The following ARID1B variants were observed in gnomAD, a reference collection of about 807,000 sequenced individuals.
ARID1B encodes AT-rich interactive domain-containing protein 1B.
A neutral mutation model predicts 212.3 loss-of-function variants in ARID1B; 30 were observed. The observed-to-expected ratio is 0.14, with a 90% CI of 0.11 to 0.19. The LOEUF (loss-of-function observed/expected upper bound fraction) is 0.19, where lower values mean the gene tolerates loss of function less well. ARID1B is among the 10% of genes least tolerant of loss of function. The pLI, the probability that ARID1B is intolerant of heterozygous loss-of-function variation, is 1.00. For missense variants in ARID1B, 2,891 were observed against 3,204.0 expected, an observed-to-expected ratio of 0.90 and a Z score of 2.36; for synonymous variants, 1,402 against 1,301.7, an observed-to-expected ratio of 1.08 and a Z score of -1.66.
intron 1 of ARID1B, among the ~76,000 whole-genome samples, chr6:156,803,884 G>A (rs930946613): frequency 4.5e-4 from 69 of 152,190 alleles, no homozygotes; most frequent in African/African-American, 1.6e-3. Context: ...ATGATGAAAC[G>A]TAATTTACGT....
intron 2 of ARID1B, among the ~76,000 whole-genome samples, chr6:156,885,545 A>G (rs1342765557): frequency 6.6e-6 from 1 of 152,164 alleles, no homozygotes; most frequent in Non-Finnish European, 1.5e-5. Context: ...TAAAATGTCA[A>G]CATCCTATAT....
intron 3 of ARID1B, among the ~76,000 whole-genome samples, chr6:156,910,399 A>AG (rs766264179): frequency 6.6e-6 from 1 of 152,202 alleles, no homozygotes; most frequent in Non-Finnish European, 1.5e-5. Context: ...TGATGGGTAT[A>AG]GCCCTTCTTG....
At position 156,829,294 on chromosome 6, in the gene ARID1B, C is replaced by T. The variant is rs2128046222; in HGVS notation, c.1859C>T (p.Ser620Phe). 1.9e-6 allele frequency: 3 copies of T among 1,614,228 alleles called. No individual in the cohort carries two copies. Among genetic ancestry groups the T allele is most frequent in the Non-Finnish European group, 2.5e-6 (3 of 1,180,032 alleles). The change falls in exon 2 of 20, where the codon TCT becomes TTT. Residue 620 changes from serine to phenylalanine, a missense_variant. Coordinates refer to ENST00000636930, the MANE Select transcript of ARID1B (RefSeq NM_001374828.1). ...TATGGCATGGGCAGTAACCCTCATT[C>T]TCAGCCTCAGCAGAGCAGTCCGTAC... Reference protein sequence around the residue: ...QLYGMGSNPHSQPQQSSPYPG... With the variant: ...QLYGMGSNPHFQPQQSSPYPG...
chr6:157,166,201 G>A (rs928145429), intron 8 of ARID1B: 2 of 152,122 alleles, frequency 1.3e-5, no homozygotes, highest in Admixed American at 6.5e-5. Flanking sequence ...CCCCCATCTC[G>A]TTACTAACAG....
At chr6:157,025,947 T>C (rs905298167) in intron 4 of ARID1B, among the ~76,000 whole-genome samples, 2 of 150,362 alleles carry the variant, frequency 1.3e-5, no homozygotes, top group South Asian at 4.2e-4. Context: ...TTTTTTGAGG[T>C]GGAGTCTCGC....
At chr6:157,103,543 C>A (rs1786237080) in intron 5 of ARID1B, among the ~76,000 whole-genome samples, 2 of 152,184 alleles carry the variant, frequency 1.3e-5, no homozygotes, top group African/African-American at 2.4e-5. Flanking sequence ...GTACATTATA[C>A]ATTACTGGAT....
chr6:157,206,320 G>A lies in ARID1B; in HGVS notation c.5548G>A (p.Asp1850Asn), dbSNP rs771781497. The change falls in exon 20 of 20, where the codon GAT becomes AAT. Residue 1850 changes from aspartate (D) to asparagine (N), a missense_variant. Around this residue, in one of 7 missense-constraint regions of ARID1B, gnomAD observed 332 missense variants for 369.2 expected, o/e 0.90. Transcript: ENST00000636930. This position sits in a 1 kb window ranked among gnomAD's most constrained non-coding sequence, Gnocchi z 6.8. Reference sequence around the variant, plus strand: ...GGATGACAGCCAGTCCTTGGCAGACGATTCTGGGAAAGAGGAGGAAGATGC... The same window carrying A: ...GGATGACAGCCAGTCCTTGGCAGACAATTCTGGGAAAGAGGAGGAAGATGC... ...RKDDSQSLAD[D>N]SGKEEEDAEC... The A allele has an allele frequency of 6.8e-6, 11 of 1,614,058 alleles. No homozygotes were observed. The highest frequency in any genetic ancestry group is 4.0e-5 in the African/African-American group (3 of 74,908).
In ARID1B at chr6:157,210,153, AAC is replaced by A; in HGVS notation, c.*2264_*2265del. ...TGTCAACTCCCACATTACTGAGTCAAACAGTCTTCTTACATAACAATGCAACC... is the reference window on the plus strand; with the variant it reads ...TGTCAACTCCCACATTACTGAGTCAAAGTCTTCTTACATAACAATGCAACC... On this transcript the variant is annotated 3_prime_UTR_variant, in exon 20 of 20. Transcript: ENST00000636930. The A allele has an allele frequency of 4.3e-6, 1 of 232,480 alleles. No individual in the cohort carries two copies. The highest frequency in any genetic ancestry group is 8.5e-6 in the Non-Finnish European group (1 of 117,624). The allele number at this position is 232,480 out of a possible 1,614,324, so 14.4% of individuals were successfully genotyped here.
intron 7 of ARID1B, among the ~76,000 whole-genome samples, chr6:157,145,780 C>T (rs1789683319): frequency 1.3e-5 from 2 of 152,136 alleles, no homozygotes; most frequent in Non-Finnish European, 2.9e-5. Context: ...TTGTGAGCCA[C>T]GTGACCATGG....
At chr6:156,808,445 G>T (rs948661144) in intron 1 of ARID1B, among the ~76,000 whole-genome samples, 5 of 152,110 alleles carry the variant, frequency 3.3e-5, no homozygotes, top group African/African-American at 1.2e-4. Flanking sequence ...AGCCTATCAC[G>T]TGGTGCTCTT....
chr6:157,051,906 A>T (rs1782629322), intron 4 of ARID1B, among the ~76,000 whole-genome samples: 1 of 152,228 alleles, frequency 6.6e-6, no homozygotes, highest in African/African-American at 2.4e-5. Context: ...AAAAGTATTT[A>T]AAATTCTCTT....
At chr6:156,794,193 A>G (rs76218654) in intron 1 of ARID1B, among the ~76,000 whole-genome samples, 2 of 151,090 alleles carry the variant, frequency 1.3e-5, no homozygotes, top group African/African-American at 4.9e-5. Flanking sequence ...GGTAACATTT[A>G]AAAAAAAAGA....
chr6:157,196,399 G>A (rs949616099), intron 16 of ARID1B, 84 bp downstream of exon 16: 4 of 1,490,998 alleles, frequency 2.7e-6, no homozygotes, highest in Non-Finnish European at 3.6e-6. Context: ...CCTGGCAGCT[G>A]AGCCACTGAT....
chr6:156,948,564 C>T (rs571316104), intron 4 of ARID1B, among the ~76,000 whole-genome samples: 2 of 152,294 alleles, frequency 1.3e-5, no homozygotes, highest in East Asian at 3.9e-4. Flanking sequence ...GCATTTATGC[C>T]TTTCTTTAGC....
At chr6:157,189,992 T>G in intron 14 of ARID1B, 46 bp from the exon 15 acceptor site, 1 of 1,603,592 alleles carries the variant, frequency 6.2e-7, no homozygotes, top group Admixed American at 1.7e-5. Context: ...TGTTTGGAGG[T>G]AACTCCTGCT....
In ARID1B at chr6:157,206,270, C is replaced by T. The variant is rs1276705409; in HGVS notation, c.5498C>T (p.Ala1833Val). 1 of 1,614,170 alleles carries T rather than the reference C, an allele frequency of 6.2e-7. No individual in the cohort carries two copies. The highest frequency in any genetic ancestry group is 1.1e-5 in the South Asian group (1 of 91,078). Reference protein sequence around the residue: ...EYEVGDPSQKALDHNAARKDD... With the variant: ...EYEVGDPSQKVLDHNAARKDD... Reference sequence around the variant, plus strand: ...GAAGTGGGAGACCCCAGCCAAAAAGCACTTGATCACAACGCAGCAAGGAAG... The same window carrying T: ...GAAGTGGGAGACCCCAGCCAAAAAGTACTTGATCACAACGCAGCAAGGAAG... Residue 1833 changes from alanine to valine, a missense_variant, in exon 20 of 20, where the codon GCA (alanine) becomes GTA (valine). Coordinates refer to ENST00000636930, the MANE Select transcript of ARID1B (RefSeq NM_001374828.1). This position sits in a 1 kb window ranked among gnomAD's most constrained non-coding sequence, Gnocchi z 6.8.
chr6:156,842,443 T>C (rs1328399185), intron 2 of ARID1B, among the ~76,000 whole-genome samples: 1 of 152,114 alleles, frequency 6.6e-6, no homozygotes, highest in African/African-American at 2.4e-5. Context: ...GTTCCAGCAC[T>C]TCATTCCTTT....
intron 2 of ARID1B, among the ~76,000 whole-genome samples, chr6:156,873,728 T>G (rs1007576232): frequency 6.6e-6 from 1 of 152,234 alleles, no homozygotes; most frequent in Non-Finnish European, 1.5e-5. Flanking sequence ...TGGGTTTGCC[T>G]TCTTGTCTCC....
At chr6:157,105,549 A>G (rs1786402418) in intron 5 of ARID1B, among the ~76,000 whole-genome samples, 1 of 152,236 alleles carries the variant, frequency 6.6e-6, no homozygotes, top group African/African-American at 2.4e-5. Context: ...AAATGGCCCT[A>G]AAATCTGAAA....
Sources: allele counts gnomAD v4.1 joint callset (sites outside exome capture counted in the v4.1 genomes callset), GRCh38; gene constraint gnomAD v4.1.1; regional missense constraint gnomAD v4.1.1; non-coding constraint Gnocchi (gnomAD v3.1); transcripts MANE v1.5; gene names NCBI Gene and HGNC (gene_info 2026-07-23, HGNC 2026-07-21).